The following OPTN variants were observed in gnomAD, a reference collection of about 807,000 sequenced individuals.
OPTN encodes the protein E3-14.7K-interacting protein.
Under a neutral mutation model 70.4 loss-of-function variants are expected in OPTN, and 54 were observed. The ratio of observed to expected loss-of-function variants is 0.77; its 90% CI spans 0.62 to 0.96. The LOEUF is 0.96. Among genes scored for constraint, OPTN ranks in the 40% least tolerant of loss-of-function variants. The pLI is 0.00. For synonymous variants in OPTN, 256 were observed against 248.5 expected, an observed-to-expected ratio of 1.03 and a Z score of -0.28; for missense variants, 624 against 673.2, an observed-to-expected ratio of 0.93 and a Z score of 0.81.
intron 3 of OPTN, among the ~76,000 whole-genome samples, chr10:13,110,013 A>G (rs550021877): frequency 2.6e-5 from 4 of 152,130 alleles, no homozygotes; most frequent in Non-Finnish European, 5.9e-5. Flanking sequence ...ATAGATATTT[A>G]GATATTTGTG....
chr10:13,104,697 C>T (rs1832826354), intron 1 of OPTN: 2 of 689,652 alleles, frequency 2.9e-6, no homozygotes, highest in Admixed American at 1.8e-5. Context: ...ATAAAGGGAT[C>T]AAGTCCCTGC....
rs201508776 is a variant in OPTN, at chr10:13,132,186, A to G, written c.1521A>G (p.Glu507=). Residue 507 remains glutamate, a synonymous_variant, in exon 13 of 15, where the codon GAA becomes GAG. Transcript: ENST00000378747. ...TGCTGAAAGAGAATGATGCTTTCGAAGACGGAGGCAGGTAAGGAAAAGAGA... is the reference window on the plus strand; with the variant it reads ...TGCTGAAAGAGAATGATGCTTTCGAGGACGGAGGCAGGTAAGGAAAAGAGA... ...AVLLKENDAF[E]DGGRQSLMEM... 2 of 1,612,588 alleles carry G rather than the reference A, an allele frequency of 1.2e-6. No individual in the cohort carries two copies. The highest frequency in any genetic ancestry group is 2.2e-5 in the East Asian group (1 of 44,836).
intron 4 of OPTN, among the ~76,000 whole-genome samples, chr10:13,111,546 A>C (rs1028389875): frequency 3.3e-5 from 5 of 151,976 alleles, no homozygotes; most frequent in Non-Finnish European, 7.4e-5. Flanking sequence ...AAAAATACAA[A>C]AATTAGCCAG....
At chr10:13,101,993 A>G (rs1053901035) in intron 1 of OPTN, among the ~76,000 whole-genome samples, 10 of 152,238 alleles carry the variant, frequency 6.6e-5, no homozygotes, top group African/African-American at 2.2e-4. Flanking sequence ...ACATGGAGAG[A>G]AAATAGACGG....
chr10:13,126,282 T>G (rs76977652), intron 11 of OPTN, among the ~76,000 whole-genome samples: 1 of 138,582 alleles, frequency 7.2e-6, no homozygotes, highest in Non-Finnish European at 1.6e-5. Flanking sequence ...ACTTCGTATT[T>G]CTTTTTTTTT....
intron 1 of OPTN, chr10:13,104,761 C>A: frequency 1.6e-6 from 1 of 641,686 alleles, no homozygotes; most frequent in Admixed American, 1.9e-5. Context: ...ACTTCTTGTC[C>A]ATAAATCCCT....
chr10:13,137,704 G>A lies in OPTN; in HGVS notation c.*838G>A. On this transcript the variant is annotated 3_prime_UTR_variant, in exon 15 of 15. Coordinates refer to ENST00000378747, the MANE Select transcript of OPTN (RefSeq NM_001008212.2). ...TTGCAGCCACAATAATTTTACCAAA[G>A]TTTTCACATAGGCAGTTAGCCTTTA... 1 of 230,544 alleles carries A rather than the reference G, an allele frequency of 4.3e-6. No individual in the cohort carries two copies. Among genetic ancestry groups the A allele is most frequent in the Admixed American group, 5.6e-5 (1 of 17,714 alleles). 14.3% of individuals were successfully genotyped at this position (230,544 alleles called of 1,614,324 possible). A position where few individuals can be genotyped will look rare whatever the true frequency, so the allele number is the denominator to read the frequency against.
At chr10:13,125,694 C>G in intron 10 of OPTN, 127 bp downstream of exon 10, 2 of 1,085,188 alleles carry the variant, frequency 1.8e-6, no homozygotes, top group Non-Finnish European at 2.7e-6. Context: ...TGAAGGAGTC[C>G]TAGCAGACCT....
intron 5 of OPTN, among the ~76,000 whole-genome samples, chr10:13,115,060 T>A (rs1333718622): frequency 2.4e-5 from 1 of 41,708 alleles, no homozygotes; most frequent in Admixed American, 4.3e-4. Context: ...TATATCTATA[T>A]GTATATATAT....
chr10:13,123,970 A>G, intron 8 of OPTN, 25 bp from the exon 9 acceptor site: 3 of 1,508,132 alleles, frequency 2.0e-6, no homozygotes. Context: ...TTGTACAGAT[A>G]TGTTTGGGAT....
At chr10:13,110,168 C>G in intron 3 of OPTN, 106 bp from the exon 4 acceptor site, 1 of 1,556,488 alleles carries the variant, frequency 6.4e-7, no homozygotes, top group Non-Finnish European at 8.7e-7. Context: ...AGCATGGCAT[C>G]TTTCAATTCA....
In OPTN at chr10:13,110,278, C is replaced by T; in HGVS notation, c.171C>T (p.Ala57=). Residue 57 remains alanine, a synonymous_variant, in exon 4 of 15, where the codon GCC becomes GCT. Transcript: ENST00000378747. ...LLTENHQLKE[A]MKLNNQAMKG... ...ATCACTCTGAACCTCCTGCAGAAGC[C>T]ATGAAGCTAAATAATCAAGCCATGA... 1.2e-6 allele frequency: 2 copies of T among 1,613,820 alleles called. No individual in the cohort carries two copies. Among genetic ancestry groups the T allele is most frequent in the South Asian group, 2.2e-5 (2 of 90,920 alleles).
chr10:13,112,192 T>TA (rs1165968381), intron 4 of OPTN, among the ~76,000 whole-genome samples: 3 of 149,356 alleles, frequency 2.0e-5, no homozygotes, highest in African/African-American at 7.4e-5. Context: ...TTGGCAGTCT[T>TA]AAACTCCTGG....
chr10:13,102,237 A>C (rs916303127), intron 1 of OPTN, among the ~76,000 whole-genome samples: 7 of 152,340 alleles, frequency 4.6e-5, no homozygotes, highest in African/African-American at 1.7e-4. Context: ...GAGCTCTTTA[A>C]CGTGCCTTGG....
chr10:13,131,901 A>T (rs1833600138), intron 12 of OPTN, among the ~76,000 whole-genome samples, 166 bp from the exon 13 acceptor site: 1 of 152,198 alleles, frequency 6.6e-6, no homozygotes, highest in African/African-American at 2.4e-5. Flanking sequence ...TGCTATCGGA[A>T]TGTACCTGGA....
intron 6 of OPTN, 72 bp from the exon 7 acceptor site, chr10:13,118,816 T>TA: frequency 7.6e-7 from 1 of 1,310,328 alleles, no homozygotes; most frequent in Non-Finnish European, 1.1e-6. Flanking sequence ...TGGTCCCAGT[T>TA]ATATTGGGTT....
intron 3 of OPTN, 86 bp downstream of exon 3, chr10:13,109,374 T>G: frequency 7.3e-7 from 1 of 1,372,706 alleles, no homozygotes; most frequent in South Asian, 1.2e-5. Flanking sequence ...GGTGGTGAGC[T>G]CCCTTCTCCC....
At position 13,125,426 on chromosome 10, in the gene OPTN, C is replaced by T. The variant is rs1466362629; in HGVS notation, c.1007C>T (p.Ala336Val). 6.2e-7 allele frequency: 1 copy of T among 1,614,030 alleles called. No homozygotes were observed. The highest frequency in any genetic ancestry group is 8.5e-7 in the Non-Finnish European group (1 of 1,179,982). Reference protein sequence around the residue: ...MKKRLQEKCQALERKNSAIPS... With the variant: ...MKKRLQEKCQVLERKNSAIPS... ...ATCTTGACCTTTCTTAGGTGTCAGG[C>T]CCTTGAAAGGAAAAATTCTGCAATT... Residue 336 changes from alanine to valine, a missense_variant, in exon 10 of 15, where the codon GCC becomes GTC. By Grantham distance (64) the Ala-to-Val change is moderately conservative (BLOSUM62 0). Transcript: ENST00000378747.
chr10:13,117,558 GC>G (rs1833247969), intron 6 of OPTN, among the ~76,000 whole-genome samples: 1 of 148,638 alleles, frequency 6.7e-6, no homozygotes, highest in South Asian at 2.1e-4. Flanking sequence ...CAGTTCTCCT[GC>G]CTCAGCCTTC....
Sources: gnomAD v4.1 joint callset for allele counts (sites outside exome capture counted in the v4.1 genomes callset) on GRCh38, gnomAD v4.1.1 for gene constraint, MANE v1.5 for transcripts, NCBI Gene and HGNC (gene_info 2026-07-23, HGNC 2026-07-21) for gene names.